MAPK14: variants seen among roughly 807,000 people sequenced by gnomAD.
The protein encoded by MAPK14 is CSAID-binding protein.
In MAPK14, 16 loss-of-function variants were observed where a neutral mutation model predicts 49.6. That is an observed-to-expected ratio of 0.32 (90% CI 0.22 to 0.49). The LOEUF (loss-of-function observed/expected upper bound fraction) is 0.49. Among genes scored for constraint, MAPK14 ranks in the 20% least tolerant of loss-of-function variants. The pLI is 0.99. For missense variants in MAPK14, 200 were observed against 441.2 expected (o/e 0.45, Z 4.90); for synonymous variants, 142 against 158.0 (o/e 0.90, Z 0.76).
intron 3 of MAPK14, 105 bp from the exon 4 acceptor site, chr6:36,072,768 A>G: frequency 1.6e-6 from 1 of 619,914 alleles, no homozygotes; most frequent in Non-Finnish European, 2.8e-6. Flanking sequence ...CATTTCAAAA[A>G]CAAAAACAAA....
At chr6:36,119,525 T>C in the MAPK14 span, among the ~76,000 whole-genome samples, 6 of 152,052 alleles carry the variant, frequency 3.9e-5, no homozygotes, top group African/African-American at 1.4e-4. Flanking sequence ...ACACCATCAA[T>C]AGGGGAATAG....
In MAPK14 at chr6:36,028,381, C is replaced by T. The variant is rs576033102; in HGVS notation, c.116+108C>T. The T allele has an allele frequency of 1.5e-5, 11 of 750,364 alleles. No homozygotes were observed. Among genetic ancestry groups the T allele is most frequent in the Non-Finnish European group, 2.3e-5 (10 of 442,966 alleles). The allele number at this position is 750,364 out of a possible 1,614,324, so 46.5% of individuals were successfully genotyped here. On this transcript the variant is annotated intron_variant, in intron 1 of 11. Coordinates refer to ENST00000229794, the MANE Select transcript of MAPK14 (RefSeq NM_139012.3). The surrounding 1 kb of genome is among the most constrained non-coding windows in gnomAD (Gnocchi z 5.1). Reference sequence around the variant, plus strand: ...TGCGTCAAGTGGCAGGAATTTTCCTCGGGGGAGGGCATTGCTGCCCCTTCG... The same window carrying T: ...TGCGTCAAGTGGCAGGAATTTTCCTTGGGGGAGGGCATTGCTGCCCCTTCG...
chr6:36,058,574 G>A (rs1467682824), intron 2 of MAPK14, among the ~76,000 whole-genome samples: 2 of 152,166 alleles, frequency 1.3e-5, no homozygotes, highest in Non-Finnish European at 2.9e-5. Context: ...TGGAACTGAG[G>A]TAGCTGGTTT....
rs941091957 is a variant in MAPK14 at position 36,028,637 on chromosome 6, C to T, written c.116+364C>T. ...CCTGCCTACCTGGAGCAGAAGGACC[C>T]TCTCCCGTGATGCGCCCACGCTGGG... On this transcript the variant is annotated intron_variant, in intron 1 of 11. Transcript: ENST00000229794. This position sits in a 1 kb window ranked among gnomAD's most constrained non-coding sequence, Gnocchi z 5.1. Among the ~76,000 whole-genome samples the T allele has an allele frequency of 6.6e-6, 1 of 152,318 alleles. No homozygotes were observed. The highest frequency in any genetic ancestry group is 1.9e-4 in the East Asian group (1 of 5,178).
intron 1 of MAPK14, among the ~76,000 whole-genome samples, chr6:36,045,530 C>T (rs1328727087): frequency 2.6e-5 from 4 of 152,002 alleles, no homozygotes; most frequent in Non-Finnish European, 5.9e-5. Flanking sequence ...GACCTCTGGC[C>T]GGGTGTGGTG....
intron 2 of MAPK14, 90 bp from the exon 3 acceptor site, chr6:36,059,199 A>C (rs756640381): frequency 2.4e-5 from 20 of 822,014 alleles, no homozygotes; most frequent in Non-Finnish European, 3.3e-5. Flanking sequence ...CTAGACCCTG[A>C]CTCTTTAAAA....
chr6:36,103,141 C>G (rs1212984156), intron 10 of MAPK14, among the ~76,000 whole-genome samples: 1 of 151,992 alleles, frequency 6.6e-6, no homozygotes, highest in African/African-American at 2.4e-5. Flanking sequence ...GAACTTTTCC[C>G]CTCTCCTCTT....
intron 1 of MAPK14, among the ~76,000 whole-genome samples, chr6:36,036,825 C>T (rs569635250): frequency 6.6e-6 from 1 of 152,290 alleles, no homozygotes; most frequent in East Asian, 1.9e-4. Flanking sequence ...ACTGCACCCT[C>T]CACCTCCCAG....
At chr6:36,053,951 C>T (rs1417843930) in intron 2 of MAPK14, among the ~76,000 whole-genome samples, 2 of 137,648 alleles carry the variant, frequency 1.5e-5, no homozygotes, top group African/African-American at 5.7e-5. Flanking sequence ...TTTCTACAGA[C>T]AACTTCTATT....
intron 9 of MAPK14, chr6:36,096,280 G>A: frequency 2.1e-6 from 1 of 469,226 alleles, no homozygotes; most frequent in East Asian, 3.3e-5. Flanking sequence ...TCTCTATCTG[G>A]GTACACACTA....
At chr6:36,042,095 A>T (rs1428546847) in intron 1 of MAPK14, among the ~76,000 whole-genome samples, 1 of 152,236 alleles carries the variant, frequency 6.6e-6, no homozygotes, top group African/African-American at 2.4e-5. Flanking sequence ...CAGGAGGAAC[A>T]TCTCAGGTAG....
At chr6:36,041,882 A>C (rs528495663) in intron 1 of MAPK14, among the ~76,000 whole-genome samples, 2 of 152,244 alleles carry the variant, frequency 1.3e-5, no homozygotes, top group African/African-American at 4.8e-5. Context: ...AAATATTAAT[A>C]AATTGTGTAT....
At chr6:36,058,427 A>G (rs1763669408) in intron 2 of MAPK14, among the ~76,000 whole-genome samples, 1 of 152,266 alleles carries the variant, frequency 6.6e-6, no homozygotes, top group Admixed American at 6.5e-5. Flanking sequence ...CTGACTACAT[A>G]TGAATAAATT....
rs552332390 is a variant in MAPK14 at position 36,110,663 on chromosome 6, A to G, written c.*2216A>G. 2 of 152,578 alleles carry G rather than the reference A, an allele frequency of 1.3e-5. No individual in the cohort carries two copies. Among genetic ancestry groups the G allele is most frequent in the East Asian group, 3.9e-4 (2 of 5,194 alleles). The allele number at this position is 152,578 out of a possible 1,614,324, so 9.5% of individuals were successfully genotyped here. A position where few individuals can be genotyped will look rare whatever the true frequency, so the allele number is the denominator to read the frequency against. On this transcript the variant is annotated 3_prime_UTR_variant, in exon 12 of 12. Coordinates refer to ENST00000229794, the MANE Select transcript of MAPK14 (RefSeq NM_139012.3). Reference sequence around the variant, plus strand: ...AAAAGAGAGAATGAGGGAAATTGCTATTTTATTTGTATTCATGAACTTGGC... The same window carrying G: ...AAAAGAGAGAATGAGGGAAATTGCTGTTTTATTTGTATTCATGAACTTGGC...
chr6:36,040,266 C>A (rs1762914956), intron 1 of MAPK14, among the ~76,000 whole-genome samples: 1 of 152,118 alleles, frequency 6.6e-6, no homozygotes, highest in Admixed American at 6.5e-5. Flanking sequence ...AATAGCAATT[C>A]CCAGTTGTGA....
At position 36,028,196 on chromosome 6, in the gene MAPK14, G is replaced by A. The variant is rs1762385120; in HGVS notation, c.39G>A (p.Leu13=). The A allele has an allele frequency of 6.2e-7, 1 of 1,613,810 alleles. No individual in the cohort carries two copies. ...QERPTFYRQE[L]NKTIWEVPER... Reference sequence around the variant, plus strand: ...GGCCCACGTTCTACCGGCAGGAGCTGAACAAGACAATCTGGGAGGTGCCCG... The same window carrying A: ...GGCCCACGTTCTACCGGCAGGAGCTAAACAAGACAATCTGGGAGGTGCCCG... The change falls in exon 1 of 12, where the codon CTG becomes CTA. Residue 13 remains leucine (L), a synonymous_variant. Coordinates refer to ENST00000229794, the MANE Select transcript of MAPK14 (RefSeq NM_139012.3). This position sits in a 1 kb window ranked among gnomAD's most constrained non-coding sequence, Gnocchi z 5.1.
At chr6:36,108,308 G>A in intron 11 of MAPK14, 72 bp from the exon 12 acceptor site, 1 of 1,126,518 alleles carries the variant, frequency 8.9e-7, no homozygotes, top group Non-Finnish European at 1.4e-6. Context: ...CTTGAGCTTA[G>A]AAGTCAGAGT....
At chr6:36,058,912 A>G (rs1763690659) in intron 2 of MAPK14, among the ~76,000 whole-genome samples, 1 of 144,082 alleles carries the variant, frequency 6.9e-6, no homozygotes, top group Non-Finnish European at 1.5e-5. Flanking sequence ...ACAGAGTCTC[A>G]CTCTGCACCT....
At chr6:36,101,441 A>G (rs746318220) in intron 9 of MAPK14, among the ~76,000 whole-genome samples, 7 of 152,112 alleles carry the variant, frequency 4.6e-5, no homozygotes, top group Admixed American at 6.5e-5. Context: ...GTGTCTCTAA[A>G]AAAATTTTTT....
Sources: allele counts gnomAD v4.1 joint callset (sites outside exome capture counted in the v4.1 genomes callset), GRCh38; gene constraint gnomAD v4.1.1; non-coding constraint Gnocchi (gnomAD v3.1); transcripts MANE v1.5; gene names NCBI Gene and HGNC (gene_info 2026-07-23, HGNC 2026-07-21).